The following HTR4 variants were observed in gnomAD, a reference collection of about 807,000 sequenced individuals.
The protein encoded by HTR4 is 5-hydroxytryptamine receptor 4, also known as 5-hydroxytryptamine (serotonin) receptor 4, G protein-coupled.
Under a neutral mutation model 36.8 loss-of-function variants are expected in HTR4, and 16 were observed. That is an observed-to-expected ratio of 0.43 (90% CI 0.29 to 0.66). HTR4 has a LOEUF of 0.66. Ranked by LOEUF, HTR4 falls within the 30% of genes least tolerant of loss-of-function variation. HTR4 has a pLI of 0.13. For synonymous variants in HTR4, 189 were observed against 185.1 expected (o/e 1.02, Z -0.17); for missense variants, 438 against 490.9 (o/e 0.89, Z 1.02).
At chr5:148,624,329 G>T (rs1303734389) in intron 2 of HTR4, among the ~76,000 whole-genome samples, 1 of 152,128 alleles carries the variant, frequency 6.6e-6, no homozygotes, top group Non-Finnish European at 1.5e-5. Flanking sequence ...ATAAATTTGG[G>T]CAAGCTAATT....
rs371623007 is a variant in HTR4 at position 148,576,751 on chromosome 5, A to T, written c.27-26489T>A. ...TCCCTATTCAATAAAGGGTGCTGGG[A>T]TCACTAGCTAGCCATATGCAGAAGA... On this transcript the variant is annotated intron_variant, in intron 2 of 6. Coordinates refer to ENST00000377888, the MANE Select transcript of HTR4 (RefSeq NM_000870.7). Among the ~76,000 whole-genome samples, 8 of 152,302 alleles carry T rather than the reference A, an allele frequency of 5.3e-5. No individual in the cohort carries two copies. The East Asian group carries it at 1.5e-3, about 29-fold the overall frequency.
chr5:148,489,706 T>C (rs1305477367), intron 6 of HTR4, among the ~76,000 whole-genome samples: 33 of 152,094 alleles, frequency 2.2e-4, no homozygotes, highest in Admixed American at 2.2e-3. Context: ...CTTGTATGTT[T>C]ATTGCACGAA....
At chr5:148,501,955 G>T (rs1290682860) in intron 6 of HTR4, among the ~76,000 whole-genome samples, 1 of 152,034 alleles carries the variant, frequency 6.6e-6, no homozygotes, top group Non-Finnish European at 1.5e-5. Flanking sequence ...AGCTACTGGG[G>T]AGGATGAGGA....
At chr5:148,563,431 G>A (rs1437685681) in intron 2 of HTR4, among the ~76,000 whole-genome samples, 2 of 152,154 alleles carry the variant, frequency 1.3e-5, no homozygotes, top group African/African-American at 2.4e-5. Context: ...TTTCACAGCT[G>A]TTACCTTTTA....
intron 2 of HTR4, among the ~76,000 whole-genome samples, chr5:148,573,545 A>G (rs980241169): frequency 6.6e-6 from 1 of 152,022 alleles, no homozygotes; most frequent in Non-Finnish European, 1.5e-5. Flanking sequence ...CCAGCCTGGA[A>G]GTGACTTATA....
intron 6 of HTR4, among the ~76,000 whole-genome samples, chr5:148,494,342 T>C (rs753215475): frequency 2.0e-5 from 3 of 152,164 alleles, no homozygotes; most frequent in African/African-American, 4.8e-5. Flanking sequence ...AGACAGATAA[T>C]AAACAAGTTA....
At chr5:148,491,548 C>T (rs1365462436) in intron 6 of HTR4, among the ~76,000 whole-genome samples, 1 of 152,036 alleles carries the variant, frequency 6.6e-6, no homozygotes, top group Non-Finnish European at 1.5e-5. Flanking sequence ...CTGGGGTGTT[C>T]CATGCATTGT....
chr5:148,553,333 T>C (rs76818808), intron 2 of HTR4, among the ~76,000 whole-genome samples: 3,959 of 152,284 alleles, frequency 0.026, 73 homozygotes, highest in Middle Eastern at 0.051. Context: ...GTTGTGAGGC[T>C]AACTAAGACC....
intron 5 of HTR4, among the ~76,000 whole-genome samples, chr5:148,459,093 A>G (rs1755199445): frequency 1.3e-5 from 2 of 152,166 alleles, no homozygotes; most frequent in African/African-American, 4.8e-5. Flanking sequence ...TATAGCTTCA[A>G]GGTAGAGCTG....
At chr5:148,510,046 G>A in intron 5 of HTR4, 22 bp from the exon 6 acceptor site, 1 of 1,524,564 alleles carries the variant, frequency 6.6e-7, no homozygotes, top group Non-Finnish European at 9.0e-7. Flanking sequence ...AGGGAGAGAG[G>A]AAATGAGGAA....
At position 148,481,596 on chromosome 5, in the gene HTR4, C is replaced by G; in HGVS notation, c.*1607G>C. The G allele has an allele frequency of 6.7e-7, 1 of 1,501,980 alleles. No individual in the cohort carries two copies. The highest frequency in any genetic ancestry group is 8.8e-7 in the Non-Finnish European group (1 of 1,134,538). 93.0% of individuals were successfully genotyped at this position (1,501,980 alleles called of 1,614,324 possible). ...TTTGGTCAATCTTCTCTTCCTTATTCCAAAGTTTCTTCCTGTCGGTTTCAG... is the reference window on the plus strand; with the variant it reads ...TTTGGTCAATCTTCTCTTCCTTATTGCAAAGTTTCTTCCTGTCGGTTTCAG... On this transcript the variant is annotated 3_prime_UTR_variant, in exon 7 of 7. Transcript: ENST00000377888.
chr5:148,611,283 T>A lies in HTR4; in HGVS notation c.26+25706A>T, dbSNP rs557579182. Among the ~76,000 whole-genome samples, 50 of 151,678 alleles carry A rather than the reference T, an allele frequency of 3.3e-4. No individual in the cohort carries two copies. The South Asian group carries it at 0.01, about 32-fold the overall frequency. On this transcript the variant is annotated intron_variant, in intron 2 of 6. Transcript: ENST00000377888. ...TGTTAAGGGCAGCCAGAGAGAAAGG[T>A]CGGGTTACTCTCAAAGGGAAGCCCA...
intron 4 of HTR4, among the ~76,000 whole-genome samples, chr5:148,526,105 T>C (rs1758263485): frequency 6.6e-6 from 1 of 152,202 alleles, no homozygotes; most frequent in Non-Finnish European, 1.5e-5. Flanking sequence ...TATTGATACC[T>C]TTATTTCAGA....
At chr5:148,548,536 T>A in intron 4 of HTR4, 132 bp downstream of exon 4, 4 of 795,610 alleles carry the variant, frequency 5.0e-6, no homozygotes, top group Admixed American at 2.5e-5. Flanking sequence ...AATGACTGTA[T>A]AACTGAATTA....
chr5:148,632,068 T>C (rs1212722821), intron 2 of HTR4, among the ~76,000 whole-genome samples: 1 of 152,152 alleles, frequency 6.6e-6, no homozygotes, highest in Non-Finnish European at 1.5e-5. Context: ...AATTCTTCTT[T>C]CTTGGATTTC....
intron 2 of HTR4, among the ~76,000 whole-genome samples, chr5:148,591,210 T>C (rs764871590): frequency 6.6e-6 from 1 of 152,174 alleles, no homozygotes; most frequent in Non-Finnish European, 1.5e-5. Flanking sequence ...GTATCAGTAC[T>C]ATTTTGTTTT....
In HTR4 at chr5:148,482,822, A is replaced by C. The variant is rs1046503025; in HGVS notation, c.*381T>G. The C allele has an allele frequency of 2.2e-5, 23 of 1,063,258 alleles. No individual in the cohort carries two copies. The allele number at this position is 1,063,258 out of a possible 1,614,324, so 65.9% of individuals were successfully genotyped here. A position where few individuals can be genotyped will look rare whatever the true frequency, so the allele number is the denominator to read the frequency against. ...ATATCTGGAAGCCCACACAGCAAAG[A>C]AGGCGTATTTGGAGACATCAGTGAC... On this transcript the variant is annotated 3_prime_UTR_variant, in exon 7 of 7. Coordinates refer to ENST00000377888, the MANE Select transcript of HTR4 (RefSeq NM_000870.7).
At chr5:148,572,053 T>A (rs1760698660) in intron 2 of HTR4, among the ~76,000 whole-genome samples, 1 of 152,050 alleles carries the variant, frequency 6.6e-6, no homozygotes, top group Non-Finnish European at 1.5e-5. Context: ...GATAAAAAAA[T>A]TAATTTTGTG....
chr5:148,564,368 C>T (rs914935997), intron 2 of HTR4, among the ~76,000 whole-genome samples: 1 of 152,134 alleles, frequency 6.6e-6, no homozygotes, highest in Non-Finnish European at 1.5e-5. Flanking sequence ...TTCCATTGTA[C>T]CCTATAATTA....
Sources: allele counts gnomAD v4.1 joint callset (sites outside exome capture counted in the v4.1 genomes callset), GRCh38; gene constraint gnomAD v4.1.1; transcripts MANE v1.5; gene names NCBI Gene and HGNC (gene_info 2026-07-23, HGNC 2026-07-21).